Variants in ABCC1 observed in about 807,000 individuals in gnomAD.
The protein encoded by ABCC1 is multidrug resistance-associated protein 1.
ABCC1 carries 83 observed loss-of-function variants against 172.9 expected under a neutral mutation model. That is an observed-to-expected ratio of 0.48 (90% CI 0.40 to 0.58). ABCC1 has a LOEUF of 0.58. Among genes scored for constraint, ABCC1 ranks in the 20% least tolerant of loss-of-function variants. The pLI is 0.00. For synonymous variants in ABCC1, 937 were observed against 825.2 expected (o/e 1.14, Z -2.32); for missense variants, 1,817 against 2,002.7 (o/e 0.91, Z 1.77).
intron 10 of ABCC1, 34 bp downstream of exon 10, chr16:16,048,337 G>C: frequency 1.2e-6 from 2 of 1,611,150 alleles, no homozygotes; most frequent in Non-Finnish European, 1.7e-6. Flanking sequence ...TTTGCATGCA[G>C]GGAGGGACTT....
At chr16:16,083,189 C>T (rs904915389) in intron 16 of ABCC1, among the ~76,000 whole-genome samples, 177 bp from the exon 17 acceptor site, 1 of 152,184 alleles carries the variant, frequency 6.6e-6, no homozygotes, top group African/African-American at 2.4e-5. Flanking sequence ...GGGTTCTGAT[C>T]CCAGCCCTGG....
intron 14 of ABCC1, among the ~76,000 whole-genome samples, chr16:16,074,542 C>T (rs1279741206): frequency 1.3e-5 from 2 of 152,268 alleles, no homozygotes; most frequent in South Asian, 2.1e-4. Context: ...CCCTGGGTGC[C>T]GCCCGCACCC....
chr16:16,006,885 G>GCGGTGGTGGTGGCGGTGA (rs2047555941), intron 1 of ABCC1, among the ~76,000 whole-genome samples: 1 of 151,134 alleles, frequency 6.6e-6, no homozygotes, highest in Non-Finnish European at 1.5e-5. Flanking sequence ...GGCGGTGATG[G>GCGGTGGTGGTGGCGGTGA]TGGTGGTGAT....
chr16:16,130,083 G>A (rs1424020713), intron 26 of ABCC1, among the ~76,000 whole-genome samples: 1 of 152,248 alleles, frequency 6.6e-6, no homozygotes, highest in Non-Finnish European at 1.5e-5. Flanking sequence ...CTTTTCAAAA[G>A]GAGGGTTGTG....
intron 20 of ABCC1, 46 bp downstream of exon 20, chr16:16,102,763 A>G (rs1292362969): frequency 2.0e-6 from 3 of 1,534,312 alleles, no homozygotes; most frequent in Non-Finnish European, 1.8e-6. Flanking sequence ...CTGCCCTGCC[A>G]GTGGGAGGAC....
intron 20 of ABCC1, among the ~76,000 whole-genome samples, chr16:16,103,352 G>T (rs1459294953): frequency 2.6e-5 from 4 of 152,158 alleles, no homozygotes; most frequent in African/African-American, 7.2e-5. Flanking sequence ...GGCTGAGGCG[G>T]GCGGATCACC....
rs753778879 is a variant in ABCC1 at position 16,009,815 on chromosome 16, C to T, written c.265C>T (p.Leu89Phe). 6.2e-7 allele frequency: 1 copy of T among 1,610,480 alleles called. No individual in the cohort carries two copies. Among genetic ancestry groups the T allele is most frequent in the Non-Finnish European group, 8.5e-7 (1 of 1,178,610 alleles). ...GCTGTGGATCGTCTGCTGGGCAGACCTCTTCTACTCTTTCTGGGAAAGAAG... is the reference window on the plus strand; with the variant it reads ...GCTGTGGATCGTCTGCTGGGCAGACTTCTTCTACTCTTTCTGGGAAAGAAG... ...FLLWIVCWAD[L>F]FYSFWERSRG... The change falls in exon 3 of 31, where the codon CTC (leucine) becomes TTC (phenylalanine). Residue 89 changes from leucine (L) to phenylalanine (F), a missense_variant. Physicochemically the swap from Leu to Phe is conservative, Grantham distance 22. Around this residue, in one of 3 missense-constraint regions of ABCC1, gnomAD observed 398 missense variants for 384.2 expected, o/e 1.04. Transcript: ENST00000399410.
chr16:15,961,172 T>C (rs1224547007), intron 1 of ABCC1, among the ~76,000 whole-genome samples: 2 of 152,096 alleles, frequency 1.3e-5, no homozygotes, highest in Non-Finnish European at 2.9e-5. Flanking sequence ...AAATTCAGTT[T>C]ATTTTGTTTT....
At chr16:16,063,191 C>G (rs1302394841) in intron 12 of ABCC1, among the ~76,000 whole-genome samples, 1 of 152,192 alleles carries the variant, frequency 6.6e-6, no homozygotes, top group Non-Finnish European at 1.5e-5. Context: ...ACTGCAACCT[C>G]CACCTCCCAG....
At chr16:16,074,841 T>G (rs2050491856) in intron 14 of ABCC1, among the ~76,000 whole-genome samples, 1 of 152,108 alleles carries the variant, frequency 6.6e-6, no homozygotes, top group Non-Finnish European at 1.5e-5. Context: ...ATGGAGGAAG[T>G]TATTTCTTCA....
chr16:16,073,040 C>CAAAAAAA (rs5815853), intron 14 of ABCC1, among the ~76,000 whole-genome samples: 1 of 115,858 alleles, frequency 8.6e-6, no homozygotes, highest in African/African-American at 2.9e-5. Context: ...GACTTCATCT[C>CAAAAAAA]AAAAAAAAAA....
intron 1 of ABCC1, among the ~76,000 whole-genome samples, chr16:15,955,227 G>A (rs2045965151): frequency 6.6e-6 from 1 of 152,094 alleles, no homozygotes; most frequent in Non-Finnish European, 1.5e-5. Flanking sequence ...CTGGTGGTGG[G>A]CGCCTGTAAT....
At chr16:15,954,851 T>C (rs2045952809) in intron 1 of ABCC1, among the ~76,000 whole-genome samples, 1 of 152,224 alleles carries the variant, frequency 6.6e-6, no homozygotes, top group African/African-American at 2.4e-5. Flanking sequence ...CTGATCTCTC[T>C]ATGTGGGTGT....
At chr16:16,039,206 CTT>C (rs200461413) in intron 7 of ABCC1, among the ~76,000 whole-genome samples, 103 of 126,596 alleles carry the variant, frequency 8.1e-4, no homozygotes, top group Non-Finnish European at 1.2e-3. Context: ...ACCGAGGAAG[CTT>C]TTGTGTGTGT....
chr16:16,016,615 C>G lies in ABCC1; in HGVS notation c.609C>G (p.His203Gln). 6.2e-7 allele frequency: 1 copy of G among 1,614,160 alleles called. No individual in the cohort carries two copies. The highest frequency in any genetic ancestry group is 8.5e-7 in the Non-Finnish European group (1 of 1,180,032). Residue 203 changes from histidine to glutamine, a missense_variant, in exon 5 of 31, where the codon CAC (histidine) becomes CAG (glutamine). His to Gln is a conservative substitution (Grantham distance 24). Around this residue, in one of 3 missense-constraint regions of ABCC1, gnomAD observed 398 missense variants for 384.2 expected, o/e 1.04. Coordinates refer to ENST00000399410, the MANE Select transcript of ABCC1 (RefSeq NM_004996.4). ...DRSPLFSETIHDPNPCPESSA... is the reference protein window; with the variant it reads ...DRSPLFSETIQDPNPCPESSA... ...CACCCCTGTTCTCGGAAACCATCCACGACCCTGTAAGTGTGACCACAGATG... is the reference window on the plus strand; with the variant it reads ...CACCCCTGTTCTCGGAAACCATCCAGGACCCTGTAAGTGTGACCACAGATG...
chr16:16,077,537 C>T (rs1207233106), intron 15 of ABCC1, among the ~76,000 whole-genome samples: 2 of 147,354 alleles, frequency 1.4e-5, no homozygotes, highest in African/African-American at 2.7e-5. Flanking sequence ...TTCAGTCTCA[C>T]GTGGACAGTG....
At chr16:16,050,391 G>C (rs764164500) in intron 10 of ABCC1, among the ~76,000 whole-genome samples, 1 of 151,856 alleles carries the variant, frequency 6.6e-6, no homozygotes, top group Non-Finnish European at 1.5e-5. Flanking sequence ...TCCGGGAGGC[G>C]GAGGTTGTAT....
intron 19 of ABCC1, among the ~76,000 whole-genome samples, chr16:16,096,156 G>C (rs888789896): frequency 1.3e-5 from 2 of 151,932 alleles, no homozygotes; most frequent in African/African-American, 2.4e-5. Context: ...GTGAATCCGG[G>C]GGGCAGAGCT....
chr16:15,966,866 A>T (rs2046255197), intron 1 of ABCC1, among the ~76,000 whole-genome samples: 1 of 151,980 alleles, frequency 6.6e-6, no homozygotes, highest in African/African-American at 2.4e-5. Flanking sequence ...CCCAGGCTGG[A>T]GTGCAGTGGC....
Sources: gnomAD v4.1 joint callset for allele counts (sites outside exome capture counted in the v4.1 genomes callset) on GRCh38, gnomAD v4.1.1 for gene constraint, gnomAD v4.1.1 regional missense constraint, MANE v1.5 for transcripts, NCBI Gene and HGNC (gene_info 2026-07-23, HGNC 2026-07-21) for gene names.